PARP11: variants seen among roughly 807,000 people sequenced by gnomAD.
PARP11 encodes poly(ADP-ribose) polymerase family member 11.
A neutral mutation model predicts 42.9 loss-of-function variants in PARP11; 31 were observed. The ratio of observed to expected loss-of-function variants is 0.72; its 90% CI spans 0.54 to 0.98. PARP11 has a LOEUF of 0.98. Ranked by LOEUF, PARP11 falls within the 50% of genes least tolerant of loss-of-function variation. The pLI is 0.00. For synonymous variants in PARP11, 137 were observed against 127.3 expected, an observed-to-expected ratio of 1.08 and a Z score of -0.51; for missense variants, 365 against 413.1, an observed-to-expected ratio of 0.88 and a Z score of 1.01.
In PARP11 at chr12:3,829,978, G is replaced by C. The variant is rs756510557; in HGVS notation, c.59C>G (p.Thr20Arg). The change falls in exon 2 of 8, where the codon ACA (threonine) becomes AGA (arginine). Residue 20 changes from threonine to arginine, a missense_variant. By Grantham distance (71) the Thr-to-Arg change is moderately conservative (BLOSUM62 -1). Transcript: ENST00000228820. Reference protein sequence around the residue: ...HKAEELFSKTTNNEVDDMDTS... With the variant: ...HKAEELFSKTRNNEVDDMDTS... ...GTCCATGTCATCCACTTCATTGTTT[G>C]TTGTTTTAGAAAATAATTCTTCTGC... is the stretch of plus-strand genomic sequence containing the variant. 29 of 1,613,542 alleles carry C rather than the reference G, an allele frequency of 1.8e-5. No individual in the cohort carries two copies. The highest frequency in any genetic ancestry group is 2.7e-5 in the African/African-American group (2 of 74,896).
intron 1 of PARP11, among the ~76,000 whole-genome samples, chr12:3,847,041 C>A (rs562164140): frequency 7.9e-4 from 120 of 152,166 alleles, no homozygotes; most frequent in African/African-American, 2.1e-3. Context: ...TGCACCACTG[C>A]ACTCCAGCCT....
intron 1 of PARP11, among the ~76,000 whole-genome samples, chr12:3,838,775 C>A (rs1011652714): frequency 3.9e-5 from 6 of 152,240 alleles, no homozygotes; most frequent in Non-Finnish European, 7.3e-5. Flanking sequence ...GCCCCTCCGG[C>A]GCCCTCCAGC....
At chr12:3,852,445 G>T (rs908690319) in intron 1 of PARP11, among the ~76,000 whole-genome samples, 1 of 152,182 alleles carries the variant, frequency 6.6e-6, no homozygotes, top group African/African-American at 2.4e-5. Context: ...GACCTTAAAT[G>T]ACCTGATGGA....
chr12:3,848,302 G>A (rs142279619), intron 1 of PARP11, among the ~76,000 whole-genome samples: 1,733 of 151,916 alleles, frequency 0.011, 26 homozygotes, highest in African/African-American at 0.039. Context: ...ATAAACAAAC[G>A]CAAAAAATCC....
intron 4 of PARP11, 57 bp from the exon 5 acceptor site, chr12:3,822,214 G>T (rs1591762948): frequency 2.3e-6 from 3 of 1,299,688 alleles, no homozygotes; most frequent in East Asian, 4.6e-5. Context: ...TTACTGTCAA[G>T]AACTTAGCCC....
At chr12:3,863,139 T>C (rs1274402213) in intron 1 of PARP11, among the ~76,000 whole-genome samples, 2 of 152,234 alleles carry the variant, frequency 1.3e-5, no homozygotes, top group African/African-American at 4.8e-5. Flanking sequence ...GTAAGTGGAA[T>C]TGCATTTTAA....
intron 1 of PARP11, among the ~76,000 whole-genome samples, chr12:3,850,747 G>T (rs978244590): frequency 6.6e-6 from 1 of 151,928 alleles, no homozygotes; most frequent in Non-Finnish European, 1.5e-5. Flanking sequence ...AAAAAGGAAA[G>T]CATTTATATT....
chr12:3,833,879 G>C (rs1479359410), intron 1 of PARP11, among the ~76,000 whole-genome samples: 1 of 152,156 alleles, frequency 6.6e-6, no homozygotes, highest in Non-Finnish European at 1.5e-5. Flanking sequence ...CTTCCAGTCT[G>C]TGGCTAGTTT....
chr12:3,837,391 T>C (rs970977128), intron 1 of PARP11, among the ~76,000 whole-genome samples: 6 of 152,192 alleles, frequency 3.9e-5, no homozygotes, highest in Non-Finnish European at 7.3e-5. Context: ...GTACAACTTG[T>C]TGAATCTACA....
rs527679288 is a variant in PARP11, at chr12:3,820,028, A to G, written c.548+1845T>C. On this transcript the variant is annotated intron_variant, in intron 6 of 7. Transcript: ENST00000228820. ...TCCCTAATTCTACCCACTCCACTCC[A>G]CATCCCCTACTTTTGTTGGCAAAGG... Among the ~76,000 whole-genome samples the G allele has an allele frequency of 6.6e-5, 10 of 152,090 alleles. No individual in the cohort carries two copies. In the East Asian group the frequency reaches 1.9e-3, roughly 29 times the overall value.
chr12:3,847,821 G>C (rs1460221675), intron 1 of PARP11, among the ~76,000 whole-genome samples: 2 of 152,198 alleles, frequency 1.3e-5, no homozygotes, highest in Non-Finnish European at 2.9e-5. Flanking sequence ...GTCCTGGCAA[G>C]AGTTAGGCAA....
At chr12:3,853,217 C>T (rs2138098526) in intron 1 of PARP11, among the ~76,000 whole-genome samples, 1 of 152,326 alleles carries the variant, frequency 6.6e-6, no homozygotes, top group South Asian at 2.1e-4. Flanking sequence ...TAGGAAGAAA[C>T]TGCATCAACT....
chr12:3,862,721 G>A (rs12297359), intron 1 of PARP11, among the ~76,000 whole-genome samples: 1,686 of 151,770 alleles, frequency 0.011, 19 homozygotes, highest in African/African-American at 0.028. Context: ...CCACTGAATC[G>A]TACCTTTTAA....
intron 1 of PARP11, among the ~76,000 whole-genome samples, chr12:3,834,424 G>C (rs1430402186): frequency 1.3e-5 from 2 of 152,128 alleles, no homozygotes; most frequent in Admixed American, 1.3e-4. Context: ...CCTGAGGCCA[G>C]GAGTTTGAGA....
In PARP11 at chr12:3,860,179, T is replaced by C. The variant is rs147958494; in HGVS notation, c.18+13033A>G. On this transcript the variant is annotated intron_variant, in intron 1 of 7. Transcript: ENST00000228820. ...TCAAATGATCATTTGATAAGATTAG[T>C]ATGGATGTGGACCGCCCCAGCAGGA... Among the ~76,000 whole-genome samples, 14 of 152,248 alleles carry C rather than the reference T, an allele frequency of 9.2e-5. No homozygotes were observed. In the East Asian group the frequency reaches 2.5e-3, roughly 27 times the overall value.
intron 1 of PARP11, among the ~76,000 whole-genome samples, chr12:3,866,797 C>G (rs1276302479): frequency 6.6e-6 from 1 of 152,062 alleles, no homozygotes. Context: ...AAATTTAATG[C>G]CTGAGAAGAA....
At chr12:3,833,937 A>G (rs1947702260) in intron 1 of PARP11, among the ~76,000 whole-genome samples, 1 of 152,128 alleles carries the variant, frequency 6.6e-6, no homozygotes, top group African/African-American at 2.4e-5. Flanking sequence ...CCTTCAGCCC[A>G]GAGGTGTAGA....
At chr12:3,841,015 G>A in intron 1 of PARP11, 1 of 1,588,670 alleles carries the variant, frequency 6.3e-7, no homozygotes, top group East Asian at 2.2e-5. Flanking sequence ...TCCAATTCCT[G>A]GTCGGTCAGT....
chr12:3,854,039 G>A (rs1948147370), intron 1 of PARP11, among the ~76,000 whole-genome samples: 1 of 152,032 alleles, frequency 6.6e-6, no homozygotes, highest in South Asian at 2.1e-4. Context: ...ATGACTACTA[G>A]GTAAATAACT....
Sources: allele counts gnomAD v4.1 joint callset (sites outside exome capture counted in the v4.1 genomes callset), GRCh38; gene constraint gnomAD v4.1.1; transcripts MANE v1.5; gene names NCBI Gene and HGNC (gene_info 2026-07-23, HGNC 2026-07-21).